The following SGIP1 variants were observed in gnomAD, a reference collection of about 807,000 sequenced individuals.
SGIP1 encodes the protein SH3-containing GRB2-like protein 3-interacting protein 1.
In SGIP1, 38 loss-of-function variants were observed where a neutral mutation model predicts 107.5. The ratio of observed to expected loss-of-function variants is 0.35; its 90% confidence interval spans 0.27 to 0.46. SGIP1 has a LOEUF of 0.46. Ranked by LOEUF, SGIP1 falls within the 20% of genes least tolerant of loss-of-function variation. The probability of loss-of-function intolerance (pLI) is 1.00; values close to 1 mark genes in which losing one functional copy is unlikely to be tolerated. For missense variants in SGIP1, 929 were observed against 1,019.5 expected (o/e 0.91, Z 1.21); for synonymous variants, 365 against 366.1 (o/e 1.00, Z 0.03).
intron 2 of SGIP1, among the ~76,000 whole-genome samples, chr1:66,631,290 C>T (rs989825735): frequency 1.3e-5 from 2 of 152,132 alleles, no homozygotes; most frequent in African/African-American, 2.4e-5. Flanking sequence ...TCCTTTGGTC[C>T]TAACCAATCA....
intron 1 of SGIP1, among the ~76,000 whole-genome samples, chr1:66,592,244 G>T (rs1307747481): frequency 6.6e-6 from 1 of 152,174 alleles, no homozygotes; most frequent in African/African-American, 2.4e-5. Flanking sequence ...CTGGGCAGAG[G>T]TCTTTGTGGC....
chr1:66,707,826 G>A (rs1304893200), intron 18 of SGIP1, among the ~76,000 whole-genome samples: 1 of 152,064 alleles, frequency 6.6e-6, no homozygotes, highest in African/African-American at 2.4e-5. Flanking sequence ...CTTGCCCAGA[G>A]AGCCTCTGTT....
intron 7 of SGIP1, among the ~76,000 whole-genome samples, chr1:66,654,724 A>C (rs2079408777): frequency 6.6e-6 from 1 of 152,218 alleles, no homozygotes; most frequent in South Asian, 2.1e-4. Flanking sequence ...TTCTAAACAG[A>C]ATGAAGGTGA....
intron 1 of SGIP1, among the ~76,000 whole-genome samples, chr1:66,576,207 T>C (rs192775566): frequency 1.3e-5 from 2 of 152,286 alleles, no homozygotes; most frequent in Non-Finnish European, 2.9e-5. Context: ...TTTTTCTTCT[T>C]GAAAAGAAGG....
chr1:66,651,484 C>G (rs947468208), intron 7 of SGIP1, among the ~76,000 whole-genome samples: 1 of 149,150 alleles, frequency 6.7e-6, no homozygotes, highest in South Asian at 2.1e-4. Flanking sequence ...GCCATTGACT[C>G]TCTTTCTAGA....
chr1:66,609,826 T>G (rs2067588531), intron 1 of SGIP1, among the ~76,000 whole-genome samples: 1 of 152,196 alleles, frequency 6.6e-6, no homozygotes, highest in African/African-American at 2.4e-5. Flanking sequence ...AAAAACAAAA[T>G]ACATTTGTGG....
At chr1:66,660,006 G>GGAAAT (rs2080750200) in intron 7 of SGIP1, 1 of 72,828 alleles carries the variant, frequency 1.4e-5, no homozygotes, top group Non-Finnish European at 2.2e-5. Context: ...AAGACAGACA[G>GGAAAT]ACAGACAGAC....
chr1:66,619,455 T>C (rs2070363274), intron 1 of SGIP1, among the ~76,000 whole-genome samples: 1 of 152,260 alleles, frequency 6.6e-6, no homozygotes. Flanking sequence ...TGTCTTTGGC[T>C]CTTCTCTGGT....
intron 1 of SGIP1, among the ~76,000 whole-genome samples, chr1:66,614,334 C>A (rs1412566744): frequency 1.3e-5 from 2 of 152,158 alleles, no homozygotes; most frequent in African/African-American, 2.4e-5. Flanking sequence ...AGTGATCCAA[C>A]AGGATGAATT....
At chr1:66,571,010 GT>G (rs1217173695) in intron 1 of SGIP1, among the ~76,000 whole-genome samples, 11 of 151,952 alleles carry the variant, frequency 7.2e-5, no homozygotes, top group African/African-American at 2.7e-4. Context: ...AAATCTTAGT[GT>G]AACTGTGAGT....
chr1:66,572,671 T>A lies in SGIP1; in HGVS notation c.10+38303T>A, dbSNP rs576507996. ...AGTAGTTTCAAGCTCTCTGAGTGAT[T>A]TTAAGTTCATAATTTTCAGGTAAAA... On this transcript the variant is annotated intron_variant, in intron 1 of 24. Coordinates refer to ENST00000371037, the MANE Select transcript of SGIP1 (RefSeq NM_032291.4). Among the ~76,000 whole-genome samples the A allele has an allele frequency of 9.2e-5, 14 of 152,172 alleles. 1 individual carries two copies. The South Asian group carries it at 2.9e-3, about 32-fold the overall frequency.
At chr1:66,581,833 C>T (rs866529999) in intron 1 of SGIP1, among the ~76,000 whole-genome samples, 1 of 152,070 alleles carries the variant, frequency 6.6e-6, no homozygotes, top group Admixed American at 6.6e-5. Context: ...AGACTGGATA[C>T]TTTCACCAAA....
intron 1 of SGIP1, among the ~76,000 whole-genome samples, chr1:66,547,003 T>C: frequency 6.6e-6 from 1 of 152,176 alleles, no homozygotes; most frequent in East Asian, 1.9e-4. Context: ...AGTATTAAAA[T>C]ATATGTGAAA....
Position 66,750,668 on chromosome 1 carries a change from C to CA in SGIP1, c.*7577dup, listed in dbSNP as rs1278378891. Among the ~76,000 whole-genome samples the CA allele has an allele frequency of 6.6e-6, 1 of 152,158 alleles. No individual in the cohort carries two copies. Among genetic ancestry groups the CA allele is most frequent in the African/African-American group, 2.4e-5 (1 of 41,428 alleles). On this transcript the variant is annotated 3_prime_UTR_variant, in exon 25 of 25. Coordinates refer to ENST00000371037, the MANE Select transcript of SGIP1 (RefSeq NM_032291.4). ...CAGCCTTTTTCCTACACGTCTATTT[C>CA]AAAAGAGTATACTTTTTTCTGACAG...
At chr1:66,684,040 G>C in intron 15 of SGIP1, 1 of 1,540,702 alleles carries the variant, frequency 6.5e-7, no homozygotes, top group Non-Finnish European at 8.7e-7. Context: ...GGCCCTAAAT[G>C]CTTTTTGTAC....
intron 4 of SGIP1, among the ~76,000 whole-genome samples, chr1:66,638,026 C>T (rs1468299490): frequency 1.3e-5 from 2 of 151,770 alleles, no homozygotes; most frequent in East Asian, 3.9e-4. Flanking sequence ...TTTTGGGTAA[C>T]AATCCTAGAT....
chr1:66,671,821 GT>G (rs1571594273), intron 10 of SGIP1, 122 bp from the exon 11 acceptor site: 1 of 897,040 alleles, frequency 1.1e-6, no homozygotes, highest in East Asian at 2.6e-5. Flanking sequence ...GTTTTGCAAA[GT>G]TTTCATACTG....
intron 7 of SGIP1, among the ~76,000 whole-genome samples, chr1:66,649,132 TG>T (rs2078227263): frequency 6.6e-6 from 1 of 152,212 alleles, no homozygotes; most frequent in Non-Finnish European, 1.5e-5. Context: ...TGGGTTAAAA[TG>T]TATCTACATC....
Position 66,750,145 on chromosome 1 carries a change from G to C in SGIP1, c.*7050G>C, listed in dbSNP as rs2094606656. ...TCTTGAAAAAGCCAAGTGTTGATAT[G>C]ATGATATATTAATCTTATCTATGAA... On this transcript the variant is annotated 3_prime_UTR_variant, in exon 25 of 25. Coordinates refer to ENST00000371037, the MANE Select transcript of SGIP1 (RefSeq NM_032291.4). Among the ~76,000 whole-genome samples the C allele has an allele frequency of 6.6e-6, 1 of 151,772 alleles. No individual in the cohort carries two copies. The highest frequency in any genetic ancestry group is 1.5e-5 in the Non-Finnish European group (1 of 67,928).
Sources: allele counts gnomAD v4.1 joint callset (sites outside exome capture counted in the v4.1 genomes callset), GRCh38; gene constraint gnomAD v4.1.1; transcripts MANE v1.5; gene names NCBI Gene and HGNC (gene_info 2026-07-23, HGNC 2026-07-21).